Variants in TPRG1 observed in about 807,000 individuals in gnomAD.
The protein encoded by TPRG1 is tumor protein p63 regulated 1.
In TPRG1, 29 loss-of-function variants were observed where a neutral mutation model predicts 29.3. The ratio of observed to expected loss-of-function variants is 0.99; its 90% CI spans 0.74 to 1.35. The LOEUF (loss-of-function observed/expected upper bound fraction) is 1.35. Among genes scored for constraint, TPRG1 ranks in the 40% most tolerant of loss-of-function variants. TPRG1 has a pLI of 0.00. For missense variants in TPRG1, 327 were observed against 335.0 expected (o/e 0.98, Z 0.19); for synonymous variants, 130 against 116.8 (o/e 1.11, Z -0.73).
chr3:189,177,446 ATGTC>A (rs1469112952), intron 1 of TPRG1, among the ~76,000 whole-genome samples: 2 of 151,250 alleles, frequency 1.3e-5, no homozygotes, highest in Non-Finnish European at 2.9e-5. Context: ...ATACATATAT[ATGTC>A]TGTTTATATA....
At chr3:189,094,301 G>T (rs1284161195) in intron 4 of TPRG1, among the ~76,000 whole-genome samples, 1 of 152,158 alleles carries the variant, frequency 6.6e-6, no homozygotes. Flanking sequence ...AGGCAACGTT[G>T]CCCCTGGATC....
intron 3 of TPRG1, among the ~76,000 whole-genome samples, chr3:189,227,529 T>C (rs1737941167): frequency 6.6e-6 from 1 of 152,206 alleles, no homozygotes; most frequent in East Asian, 1.9e-4. Context: ...AGCCTTGAGA[T>C]TGACGCAATT....
chr3:189,260,449 A>AGT (rs2109035761), intron 4 of TPRG1, among the ~76,000 whole-genome samples: 1 of 152,328 alleles, frequency 6.6e-6, no homozygotes, highest in Non-Finnish European at 1.5e-5. Flanking sequence ...GTACTATATT[A>AGT]GTGTAGCAAT....
chr3:189,294,746 G>A (rs976450459), intron 4 of TPRG1, among the ~76,000 whole-genome samples: 5 of 151,996 alleles, frequency 3.3e-5, no homozygotes, highest in African/African-American at 1.2e-4. Context: ...TGAATATGAA[G>A]ATGTGTAGAC....
chr3:189,087,699 G>A (rs1718048873), intron 4 of TPRG1, among the ~76,000 whole-genome samples: 1 of 152,148 alleles, frequency 6.6e-6, no homozygotes, highest in South Asian at 2.1e-4. Flanking sequence ...TGTAAGGAAG[G>A]GATCCAGTTT....
chr3:189,099,450 G>A (rs1284243756), upstream of TPRG1, among the ~76,000 whole-genome samples: 1 of 152,050 alleles, frequency 6.6e-6, no homozygotes, highest in Non-Finnish European at 1.5e-5. Flanking sequence ...GAGTGGGCAA[G>A]GGAGGATTAG....
chr3:189,248,189 T>A (rs927143979), intron 4 of TPRG1, among the ~76,000 whole-genome samples: 1 of 151,876 alleles, frequency 6.6e-6, no homozygotes, highest in Non-Finnish European at 1.5e-5. Flanking sequence ...AGCACTGGCA[T>A]GTTTAAATTT....
At chr3:189,164,201 C>T (rs529456922) in intron 5 of TPRG1, among the ~76,000 whole-genome samples, 37 of 151,976 alleles carry the variant, frequency 2.4e-4, no homozygotes, top group African/African-American at 8.9e-4. Flanking sequence ...CTCACTCTGT[C>T]ACCCAGGCTG....
intron 4 of TPRG1, among the ~76,000 whole-genome samples, chr3:189,031,301 AAG>A (rs67872316): frequency 0.85 from 125,695 of 148,082 alleles, 55,109 homozygotes; most frequent in Non-Finnish European, 0.96. Flanking sequence ...AAAAAAAAAA[AAG>A]AAAAATTAAA....
rs200697086 is a variant in TPRG1 at position 189,310,382 on chromosome 3, G to A, written c.480-4G>A. On this transcript the variant is annotated splice_polypyrimidine_tract_variant and splice_region_variant and intron_variant, in intron 4 of 5. Transcript: ENST00000345063. ...TAATCTAATGGAAAACGCCTTTCTT[G>A]TAGGAGACAAGGAGAAGGCCTTAGG... 7 of 1,561,598 alleles carry A rather than the reference G, an allele frequency of 4.5e-6. No individual in the cohort carries two copies. The highest frequency in any genetic ancestry group is 4.2e-5 in the African/African-American group (3 of 71,616).
chr3:189,270,960 T>C (rs1715023479), intron 4 of TPRG1, among the ~76,000 whole-genome samples: 1 of 152,228 alleles, frequency 6.6e-6, no homozygotes, highest in Admixed American at 6.5e-5. Context: ...ATGCTCATGA[T>C]ACGTTAGCAT....
At chr3:189,275,075 G>A (rs1715895263) in intron 4 of TPRG1, among the ~76,000 whole-genome samples, 1 of 151,638 alleles carries the variant, frequency 6.6e-6, no homozygotes, top group African/African-American at 2.4e-5. Flanking sequence ...TATGTCTTCT[G>A]ATTGCTCTAA....
intron 1 of TPRG1, among the ~76,000 whole-genome samples, chr3:189,113,580 G>A (rs1720808446): frequency 6.6e-6 from 1 of 152,058 alleles, no homozygotes; most frequent in Non-Finnish European, 1.5e-5. Flanking sequence ...AGAGTTTTTA[G>A]CATGAAGAGT....
upstream of TPRG1, among the ~76,000 whole-genome samples, chr3:189,168,586 T>C (rs1039563078): frequency 2.6e-5 from 4 of 152,204 alleles, no homozygotes; most frequent in African/African-American, 7.2e-5. Flanking sequence ...GGTAGACAGA[T>C]GCATATTGGG....
At chr3:189,004,336 G>A (rs1208151419) in intron 2 of TPRG1, among the ~76,000 whole-genome samples, 1 of 152,068 alleles carries the variant, frequency 6.6e-6, no homozygotes, top group Non-Finnish European at 1.5e-5. Flanking sequence ...TAGTCACTGT[G>A]TGTTTCCTTG....
intron 4 of TPRG1, among the ~76,000 whole-genome samples, chr3:189,289,049 A>T (rs1718553329): frequency 6.6e-6 from 1 of 152,230 alleles, no homozygotes; most frequent in Admixed American, 6.5e-5. Context: ...CCTGGGCTGA[A>T]AAAAGCTGAT....
chr3:189,261,647 C>T (rs993563113), intron 4 of TPRG1, among the ~76,000 whole-genome samples: 7 of 152,254 alleles, frequency 4.6e-5, no homozygotes, highest in African/African-American at 1.7e-4. Context: ...AACGTATGCA[C>T]ACACATGCTT....
chr3:189,053,138 A>C (rs1715436826), intron 4 of TPRG1, among the ~76,000 whole-genome samples: 1 of 152,216 alleles, frequency 6.6e-6, no homozygotes, highest in Non-Finnish European at 1.5e-5. Flanking sequence ...TCTTAGCTAA[A>C]TCTTCTGAAT....
At chr3:189,124,614 T>C (rs1409084740) in intron 1 of TPRG1, among the ~76,000 whole-genome samples, 1 of 152,002 alleles carries the variant, frequency 6.6e-6, no homozygotes, top group Admixed American at 6.6e-5. Flanking sequence ...CTTTTCTTCA[T>C]TAACTCATTT....
Sources: allele counts gnomAD v4.1 joint callset (sites outside exome capture counted in the v4.1 genomes callset), GRCh38; gene constraint gnomAD v4.1.1; transcripts MANE v1.5; gene names NCBI Gene and HGNC (gene_info 2026-07-23, HGNC 2026-07-21).